MME: variants seen among roughly 807,000 people sequenced by gnomAD.
MME encodes neprilysin.
MME carries 98 observed loss-of-function variants against 113.2 expected under a neutral mutation model. The ratio of observed to expected loss-of-function variants is 0.87; its 90% confidence interval spans 0.74 to 1.02. The LOEUF is 1.02. MME is among the 50% of genes least tolerant of loss of function. The pLI, the probability that MME is intolerant of heterozygous loss-of-function variation, is 0.00. For synonymous variants in MME, 292 were observed against 300.6 expected (o/e 0.97, Z 0.30); for missense variants, 836 against 896.0 (o/e 0.93, Z 0.86).
intron 3 of MME, among the ~76,000 whole-genome samples, chr3:155,110,566 A>C (rs1158296338): frequency 6.6e-6 from 1 of 152,216 alleles, no homozygotes; most frequent in Non-Finnish European, 1.5e-5. Flanking sequence ...GTTAGAAAGA[A>C]AATGGTGTCA....
intron 16 of MME, among the ~76,000 whole-genome samples, chr3:155,157,894 G>A (rs1331604885): frequency 6.6e-6 from 1 of 152,040 alleles, no homozygotes; most frequent in Non-Finnish European, 1.5e-5. Flanking sequence ...ATTCACAGTG[G>A]ACATTTTAAT....
Position 155,116,991 on chromosome 3 carries a change from G to A in MME, c.654+5G>A. On this transcript the variant is annotated splice_donor_5th_base_variant and intron_variant, in intron 7 of 22. Transcript: ENST00000360490. The stretch of plus-strand genomic sequence containing the variant: ...TCTGTGAATCATGTAATTCATGTAA[G>A]TTTGTGTGTCAAATAACTAAAGTTA... The A allele has an allele frequency of 6.9e-7, 1 of 1,455,212 alleles. No homozygotes were observed. Among genetic ancestry groups the A allele is most frequent in the East Asian group, 2.3e-5 (1 of 44,026 alleles). The allele number at this position is 1,455,212 out of a possible 1,614,324, so 90.1% of individuals were successfully genotyped here. A position where few individuals can be genotyped will look rare whatever the true frequency, so the allele number is the denominator to read the frequency against.
intron 3 of MME, among the ~76,000 whole-genome samples, chr3:155,102,895 G>C (rs1386265632): frequency 2.0e-5 from 3 of 152,104 alleles, no homozygotes; most frequent in Non-Finnish European, 2.9e-5. Flanking sequence ...TAGCCTACCT[G>C]TCCACACCGG....
At chr3:155,106,458 A>G (rs762610670) in intron 3 of MME, among the ~76,000 whole-genome samples, 3 of 152,160 alleles carry the variant, frequency 2.0e-5, no homozygotes, top group Non-Finnish European at 4.4e-5. Context: ...GAGTGTTTGT[A>G]ATGAAAGCCA....
chr3:155,135,621 C>CT (rs1203956376), intron 8 of MME, among the ~76,000 whole-genome samples: 2 of 151,968 alleles, frequency 1.3e-5, no homozygotes, highest in African/African-American at 2.4e-5. Context: ...CATTTGGGCT[C>CT]TTTTTTGGTT....
chr3:155,169,642 C>T lies in MME; in HGVS notation c.1980+845C>T, dbSNP rs542564271. ...AGTGTTTTTCTCAACTATGAAGTAG[C>T]CCATATGTAGGAGAAAGAGCAGCAT... On this transcript the variant is annotated intron_variant, in intron 20 of 22. Coordinates refer to ENST00000360490, the MANE Select transcript of MME (RefSeq NM_007289.4). Among the ~76,000 whole-genome samples, 10 of 152,208 alleles carry T rather than the reference C, an allele frequency of 6.6e-5. No homozygotes were observed. The South Asian group carries it at 1.7e-3, about 25-fold the overall frequency.
At chr3:155,078,718 A>G (rs562637520), upstream of MME, among the ~76,000 whole-genome samples, 1 of 151,322 alleles carries the variant, frequency 6.6e-6, no homozygotes, top group Non-Finnish European at 1.5e-5. Flanking sequence ...AAAAGAGGAA[A>G]GGGATCAGTA....
intron 22 of MME, among the ~76,000 whole-genome samples, chr3:155,176,966 G>T (rs1319342572): frequency 2.0e-5 from 3 of 152,168 alleles, no homozygotes; most frequent in Non-Finnish European, 4.4e-5. Flanking sequence ...AGGATGGGCA[G>T]AATGGGCATG....
intron 1 of MME, among the ~76,000 whole-genome samples, chr3:155,025,479 C>G (rs1227704691): frequency 1.3e-5 from 2 of 151,422 alleles, no homozygotes; most frequent in East Asian, 4.0e-4. Flanking sequence ...CAAAAATTAG[C>G]TGGGCATCGT....
chr3:155,161,178 A>T (rs1400874760), intron 17 of MME, among the ~76,000 whole-genome samples: 3 of 152,082 alleles, frequency 2.0e-5, no homozygotes, highest in Admixed American at 1.3e-4. Flanking sequence ...ATTGGCTCAC[A>T]TATATCACTT....
At chr3:155,059,258 CAAAAAAAAAAAAAA>C (rs11459710) in intron 1 of MME, among the ~76,000 whole-genome samples, 1 of 56,084 alleles carries the variant, frequency 1.8e-5, no homozygotes, top group Admixed American at 2.2e-4. Context: ...AATTCTGTCT[CAAAAAAAAAAAAAA>C]AAAAAAAAAG....
chr3:155,107,653 C>T (rs1320344243), intron 3 of MME, among the ~76,000 whole-genome samples: 3 of 152,140 alleles, frequency 2.0e-5, no homozygotes, highest in Non-Finnish European at 4.4e-5. Context: ...TGCTAATTCA[C>T]CTACTCCCTA....
Position 155,142,790 on chromosome 3 carries a change from T to C in MME, c.1188+460T>C, listed in dbSNP as rs551903761. Among the ~76,000 whole-genome samples the C allele has an allele frequency of 4.6e-5, 7 of 152,256 alleles. No individual in the cohort carries two copies. In the South Asian group the frequency reaches 1.0e-3, roughly 23 times the overall value. On this transcript the variant is annotated intron_variant, in intron 12 of 22. Transcript: ENST00000360490. Reference sequence around the variant, plus strand: ...CTTTTCTTAGCCTATACCTATATTATTTAAACAATCACTGTTTTGGTACTA... The same window carrying C: ...CTTTTCTTAGCCTATACCTATATTACTTAAACAATCACTGTTTTGGTACTA...
chr3:155,041,639 A>G (rs1328670308), intron 1 of MME, among the ~76,000 whole-genome samples: 1 of 152,220 alleles, frequency 6.6e-6, no homozygotes, highest in East Asian at 1.9e-4. Flanking sequence ...AGAGCATAGC[A>G]TCTTACCCAA....
At chr3:155,073,377 A>T (rs537837909) in intron 1 of MME, among the ~76,000 whole-genome samples, 1 of 152,298 alleles carries the variant, frequency 6.6e-6, no homozygotes, top group Non-Finnish European at 1.5e-5. Flanking sequence ...CTCCAAATAA[A>T]ACCAAGTCTT....
chr3:155,182,512 C>T lies in MME; in HGVS notation c.*2053C>T, dbSNP rs1007458814. ...CCCTTTCCTCCTTTATCACAACCAC[C>T]GTTACAAGTATACTTATATTTCCCT... On this transcript the variant is annotated 3_prime_UTR_variant, in exon 23 of 23. Coordinates refer to ENST00000360490, the MANE Select transcript of MME (RefSeq NM_007289.4). The T allele has an allele frequency of 1.3e-5, 2 of 152,160 alleles. No individual in the cohort carries two copies. The highest frequency in any genetic ancestry group is 2.4e-5 in the African/African-American group (1 of 41,414). 9.4% of individuals were successfully genotyped at this position (152,160 alleles called of 1,614,324 possible). A position where few individuals can be genotyped will look rare whatever the true frequency, so the allele number is the denominator to read the frequency against.
At chr3:155,111,112 G>A (rs1464061804) in intron 3 of MME, among the ~76,000 whole-genome samples, 4 of 152,124 alleles carry the variant, frequency 2.6e-5, no homozygotes, top group Admixed American at 1.3e-4. Flanking sequence ...AAACAATTAC[G>A]ACCAGTTTGA....
intron 3 of MME, among the ~76,000 whole-genome samples, chr3:155,086,590 T>C (rs1051909274): frequency 9.2e-5 from 14 of 152,118 alleles, no homozygotes; most frequent in African/African-American, 3.4e-4. Flanking sequence ...GCTATATAAA[T>C]CCCATCAATT....
chr3:155,092,963 G>T (rs1716418350), intron 3 of MME, among the ~76,000 whole-genome samples: 1 of 151,938 alleles, frequency 6.6e-6, no homozygotes, highest in East Asian at 1.9e-4. Flanking sequence ...GTGTAAATTG[G>T]ATTGTGGTGA....
Sources: gnomAD v4.1 joint callset for allele counts (sites outside exome capture counted in the v4.1 genomes callset) on GRCh38, gnomAD v4.1.1 for gene constraint, MANE v1.5 for transcripts, NCBI Gene and HGNC (gene_info 2026-07-23, HGNC 2026-07-21) for gene names.